SIRT6: variants seen among roughly 807,000 people sequenced by gnomAD.
The protein encoded by SIRT6 is NAD-dependent protein deacylase sirtuin-6.
Under a neutral mutation model 33.6 loss-of-function variants are expected in SIRT6, and 21 were observed. The observed-to-expected ratio is 0.62, with a 90% confidence interval of 0.44 to 0.90. The LOEUF is 0.90. SIRT6 is among the 40% of genes least tolerant of loss of function. The pLI, the probability that SIRT6 is intolerant of heterozygous loss-of-function variation, is 0.00. For synonymous variants in SIRT6, 221 were observed against 223.9 expected, an observed-to-expected ratio of 0.99 and a Z score of 0.12; for missense variants, 504 against 510.6, an observed-to-expected ratio of 0.99 and a Z score of 0.12.
chr19:4,175,070 C>T lies in SIRT6; in HGVS notation c.696G>A (p.Arg232=). Residue 232 remains arginine (R), a synonymous_variant, in exon 7 of 8, where the codon CGG becomes CGA. Coordinates refer to ENST00000337491, the MANE Select transcript of SIRT6 (RefSeq NM_016539.4). ...GGTTGACGATGACCAGGCGGCCTCC[C>T]CGGCGCTTGGTAGCCAGCGGCAGGT... ...SGNLPLATKR[R]GGRLVIVNLQ... is the part of the protein sequence containing the mutation. 1 of 1,591,122 alleles carries T rather than the reference C, an allele frequency of 6.3e-7. No individual in the cohort carries two copies. The highest frequency in any genetic ancestry group is 2.3e-5 in the East Asian group (1 of 43,726).
At position 4,179,154 on chromosome 19, in the gene SIRT6, G is replaced by A; in HGVS notation, c.327C>T (p.Phe109=). The A allele has an allele frequency of 1.2e-6, 2 of 1,612,572 alleles. No homozygotes were observed. The highest frequency in any genetic ancestry group is 1.7e-6 in the Non-Finnish European group (2 of 1,179,810). ...VQLERVGLLR[F]LVSQNVDGLH... ...GCCCGTCCACGTTCTGGCTGACCAG[G>A]AAGCGGAGGAGGCCCACGCGCTCCA... Residue 109 remains phenylalanine (F), a synonymous_variant, in exon 3 of 8, where the codon TTC becomes TTT. Transcript: ENST00000337491.
rs756423888 is a variant in SIRT6, at chr19:4,179,234, C to T, written c.247G>A (p.Asp83Asn). 9.3e-6 allele frequency: 15 copies of T among 1,610,058 alleles called. 1 individual carries two copies. Among genetic ancestry groups the T allele is most frequent in the Middle Eastern group, 3.3e-4 (2 of 6,046 alleles). ...GGCCGCGCGCTCTCAAAGGTGGTGT[C>T]GAACTTGGGGGCCAGACCTCGCTCC... ...MEERGLAPKF[D>N]TTFESARPTQ... The change falls in exon 3 of 8, where the codon GAC (aspartate) becomes AAC (asparagine). Residue 83 changes from aspartate to asparagine, a missense_variant. Asp to Asn is a conservative substitution (Grantham distance 23, BLOSUM62 1). Coordinates refer to ENST00000337491, the MANE Select transcript of SIRT6 (RefSeq NM_016539.4).
In SIRT6 at chr19:4,180,836, A is replaced by G. The variant is rs200869088; in HGVS notation, c.140T>C (p.Val47Ala). 1 of 1,613,720 alleles carries G rather than the reference A, an allele frequency of 6.2e-7. No homozygotes were observed. Among genetic ancestry groups the G allele is most frequent in the East Asian group, 2.2e-5 (1 of 44,856 alleles). Reference sequence around the variant, plus strand: ...GATGCCGGCACCCGTGTGGAACACCACACTGGAAGACTGCCAGACCAGCCT... The same window carrying G: ...GATGCCGGCACCCGTGTGGAACACCGCACTGGAAGACTGCCAGACCAGCCT... ...LARLVWQSSS[V>A]VFHTGAGIST... Residue 47 changes from valine to alanine, a missense_variant, in exon 2 of 8, where the codon GTG becomes GCG. Val to Ala is a moderately conservative substitution (Grantham distance 64). Transcript: ENST00000337491.
rs188775798 is a variant in SIRT6, at chr19:4,174,559, C to G, written c.*58G>C. 6 of 1,362,968 alleles carry G rather than the reference C, an allele frequency of 4.4e-6. No individual in the cohort carries two copies. The highest frequency in any genetic ancestry group is 1.9e-4 in the Middle Eastern group (1 of 5,268). The allele number at this position is 1,362,968 out of a possible 1,614,324, so 84.4% of individuals were successfully genotyped here. ...AGAAACAAGTAACAAAGTGAGACCA[C>G]GAGAGAAAAAGAATCCACAGTTTCT... On this transcript the variant is annotated 3_prime_UTR_variant, in exon 8 of 8. Coordinates refer to ENST00000337491, the MANE Select transcript of SIRT6 (RefSeq NM_016539.4). This position sits in a 1 kb window ranked among gnomAD's most constrained non-coding sequence, Gnocchi z 4.2.
In SIRT6 at chr19:4,174,817, G is replaced by GGGCCCCCCCCCCCCCCCCCCCC; in HGVS notation, c.867_868insGGGGGGGGGGGGGGGGGGGGCC (p.Pro290GlyfsTer145). The GGGCCCCCCCCCCCCCCCCCCCC allele has an allele frequency of 2.2e-6, 1 of 447,538 alleles. No individual in the cohort carries two copies. The highest frequency in any genetic ancestry group is 4.4e-6 in the Non-Finnish European group (1 of 229,038). The allele number at this position is 447,538 out of a possible 1,614,324, so 27.7% of individuals were successfully genotyped here. ...TCCAGCTTGGGGGTGGGCGGGCGGGGCAGGGGTGGCAGCGCCCTCTCCAGC... is the reference window on the plus strand; with the variant it reads ...TCCAGCTTGGGGGTGGGCGGGCGGGGGGCCCCCCCCCCCCCCCCCCCCCAGGGGTGGCAGCGCCCTCTCCAGC... On this transcript the variant is annotated frameshift_variant, in exon 8 of 8. Transcript: ENST00000337491. LOFTEE classifies it low-confidence loss of function (END_TRUNC). This position sits in a 1 kb window ranked among gnomAD's most constrained non-coding sequence, Gnocchi z 4.2.
At chr19:4,177,213 G>C (rs1967359797) in intron 3 of SIRT6, 75 bp from the exon 4 acceptor site, 1 of 1,455,272 alleles carries the variant, frequency 6.9e-7, no homozygotes, top group Non-Finnish European at 9.6e-7. Flanking sequence ...CTGGTGCTAA[G>C]CCCCTCTCCT....
At chr19:4,175,280 A>C in intron 6 of SIRT6, 129 bp from the exon 7 acceptor site, 2 of 1,316,864 alleles carry the variant, frequency 1.5e-6, no homozygotes, top group Non-Finnish European at 2.0e-6. Flanking sequence ...CCCACTCCCG[A>C]GTCAGCCTTT....
chr19:4,182,473 C>A lies in SIRT6; in HGVS notation c.66+1G>T. On this transcript the variant is annotated splice_donor_variant, in intron 1 of 7. Transcript: ENST00000337491. LOFTEE classifies it high-confidence loss of function. ...TGCTCGGGACCCTCAGACGCGCTCA[C>A]CTCCGGGAGGCCGCACTTGCCCTTG... The A allele has an allele frequency of 6.2e-7, 1 of 1,609,736 alleles. No individual in the cohort carries two copies. The highest frequency in any genetic ancestry group is 8.5e-7 in the Non-Finnish European group (1 of 1,178,524).
chr19:4,174,832 C>G lies in SIRT6; in HGVS notation c.853G>C (p.Ala285Pro). 1 of 1,579,494 alleles carries G rather than the reference C, an allele frequency of 6.3e-7. No individual in the cohort carries two copies. Residue 285 changes from alanine to proline, a missense_variant, in exon 8 of 8, where the codon GCG becomes CCG. By Grantham distance (27) the Ala-to-Pro change is conservative. Transcript: ENST00000337491. This position sits in a 1 kb window ranked among gnomAD's most constrained non-coding sequence, Gnocchi z 4.2. ...AWDGPRVLER[A>P]LPPLPRPPTP... ...GGCGGGCGGGGCAGGGGTGGCAGCG[C>G]CCTCTCCAGCACACGGGGGCCGTCC...
At chr19:4,181,596 G>A (rs1967671305) in intron 1 of SIRT6, among the ~76,000 whole-genome samples, 1 of 152,162 alleles carries the variant, frequency 6.6e-6, no homozygotes, top group South Asian at 2.1e-4. Context: ...AGAGCAGACT[G>A]GCCAACATGG....
At position 4,175,720 on chromosome 19, in the gene SIRT6, G is replaced by C. The variant is rs1967256370; in HGVS notation, c.574C>G (p.Leu192Val). 1.3e-6 allele frequency: 2 copies of C among 1,586,270 alleles called. No homozygotes were observed. The highest frequency in any genetic ancestry group is 2.3e-5 in the South Asian group (2 of 86,854). Residue 192 changes from leucine to valine, a missense_variant, in exon 6 of 8, where the codon CTG becomes GTG. By Grantham distance (32) the Leu-to-Val change is conservative. Coordinates refer to ENST00000337491, the MANE Select transcript of SIRT6 (RefSeq NM_016539.4). Reference protein sequence around the residue: ...RDTILDWEDSLPDRDLALADE... With the variant: ...RDTILDWEDSVPDRDLALADE... ...GCGAGTGCCAGGTCCCGGTCGGGCA[G>C]GGAGTCCTCCCAGTCTAGGATGGTG...
chr19:4,180,093 C>CTT lies in SIRT6; in HGVS notation c.194+687_194+688dup, dbSNP rs71166971. ...GAAGGAGGAGAAATTCACGCCTTGG[C>CTT]TTTTTTTTTTTTTTTTTTTTTTTTT... On this transcript the variant is annotated intron_variant, in intron 2 of 7. Transcript: ENST00000337491. 8.1e-4 allele frequency among the ~76,000 whole-genome samples: 37 copies of CTT among 45,926 alleles called. 8 individuals carry two copies. Among genetic ancestry groups the CTT allele is most frequent in the Admixed American group, 7.2e-3 (21 of 2,928 alleles). The allele number at this position is 45,926 out of a possible 152,430, so 30.1% of individuals were successfully genotyped here.
chr19:4,181,384 C>T (rs912759945), intron 1 of SIRT6, among the ~76,000 whole-genome samples: 6 of 152,258 alleles, frequency 3.9e-5, no homozygotes, highest in African/African-American at 1.2e-4. Flanking sequence ...CCTAGTCAGT[C>T]TCCCTTACTA....
chr19:4,175,872 AC>A lies in SIRT6; in HGVS notation c.502del (p.Val168TrpfsTer14). On this transcript the variant is annotated frameshift_variant, in exon 5 of 8. Transcript: ENST00000337491. LOFTEE classifies it high-confidence loss of function. ...GLKATGRLCT[V>X]AKARGLRACR... ...GGCTCGCAGCCCCCTTGCCTTAGCC[AC>A]GGTGCAGAGCCGGCCCGTGGCCTTC... 6.4e-7 allele frequency: 1 copy of A among 1,566,060 alleles called. No individual in the cohort carries two copies. Among genetic ancestry groups the A allele is most frequent in the Non-Finnish European group, 8.7e-7 (1 of 1,155,716 alleles).
In SIRT6 at chr19:4,175,065, C is replaced by T. The variant is rs1486605695; in HGVS notation, c.701G>A (p.Gly234Asp). The change falls in exon 7 of 8, where the codon GGC (glycine) becomes GAC (aspartate). Residue 234 changes from glycine to aspartate, a missense_variant. Transcript: ENST00000337491. ...CTGCAGGTTGACGATGACCAGGCGGCCTCCCCGGCGCTTGGTAGCCAGCGG... is the reference window on the plus strand; with the variant it reads ...CTGCAGGTTGACGATGACCAGGCGGTCTCCCCGGCGCTTGGTAGCCAGCGG... ...NLPLATKRRG[G>D]RLVIVNLQPT... is the part of the protein sequence containing the mutation. 6 of 1,589,222 alleles carry T rather than the reference C, an allele frequency of 3.8e-6. No individual in the cohort carries two copies. Among genetic ancestry groups the T allele is most frequent in the Non-Finnish European group, 5.1e-6 (6 of 1,167,438 alleles).
intron 3 of SIRT6, among the ~76,000 whole-genome samples, chr19:4,177,822 G>C (rs1967394290): frequency 6.6e-6 from 1 of 152,126 alleles, no homozygotes; most frequent in African/African-American, 2.4e-5. Flanking sequence ...GATCTCCTGA[G>C]CTTGTGATCC....
chr19:4,180,093 CTTTTTTTTTTTTTTTTT>C lies in SIRT6; in HGVS notation c.194+672_194+688del, dbSNP rs71166971. 1.2e-3 allele frequency among the ~76,000 whole-genome samples: 55 copies of C among 45,908 alleles called. 3 individuals carry two copies. The highest frequency in any genetic ancestry group is 6.8e-4 in the Admixed American group (2 of 2,928). 30.1% of individuals were successfully genotyped at this position (45,908 alleles called of 152,430 possible). The stretch of plus-strand genomic sequence containing the variant: ...GAAGGAGGAGAAATTCACGCCTTGG[CTTTTTTTTTTTTTTTTT>C]TTTTTTTTTTTTGAGATGGAGTCTG... On this transcript the variant is annotated intron_variant, in intron 2 of 7. Coordinates refer to ENST00000337491, the MANE Select transcript of SIRT6 (RefSeq NM_016539.4).
chr19:4,177,083 T>C lies in SIRT6; in HGVS notation c.433A>G (p.Lys145Glu), dbSNP rs772524213. The C allele has an allele frequency of 6.2e-7, 1 of 1,613,518 alleles. No individual in the cohort carries two copies. Among genetic ancestry groups the C allele is most frequent in the South Asian group, 1.1e-5 (1 of 91,022 alleles). Residue 145 changes from lysine (K) to glutamate (E), a missense_variant, in exon 4 of 8, where the codon AAG becomes GAG. Transcript: ENST00000337491. Reference sequence around the variant, plus strand: ...CTGCACCCAGGTGGCACTCACGTCTTACACTTGGCACATTCTTCCACAAAC... The same window carrying C: ...CTGCACCCAGGTGGCACTCACGTCTCACACTTGGCACATTCTTCCACAAAC... ...NMFVEECAKC[K>E]TQYVRDTVVG...
Position 4,174,530 on chromosome 19 carries a change from G to C in SIRT6, c.*87C>G. 1 of 1,249,846 alleles carries C rather than the reference G, an allele frequency of 8.0e-7. No individual in the cohort carries two copies. The highest frequency in any genetic ancestry group is 1.1e-6 in the Non-Finnish European group (1 of 945,824). The allele number at this position is 1,249,846 out of a possible 1,614,324, so 77.4% of individuals were successfully genotyped here. On this transcript the variant is annotated 3_prime_UTR_variant, in exon 8 of 8. Transcript: ENST00000337491. This position sits in a 1 kb window ranked among gnomAD's most constrained non-coding sequence, Gnocchi z 4.2. ...GCTCTCAGAGCCCTGAGGCTCCCGGGGACAGAAACAAGTAACAAAGTGAGA... is the reference window on the plus strand; with the variant it reads ...GCTCTCAGAGCCCTGAGGCTCCCGGCGACAGAAACAAGTAACAAAGTGAGA...
Sources: allele counts gnomAD v4.1 joint callset (sites outside exome capture counted in the v4.1 genomes callset), GRCh38; gene constraint gnomAD v4.1.1; non-coding constraint Gnocchi (gnomAD v3.1); transcripts MANE v1.5; gene names NCBI Gene and HGNC (gene_info 2026-07-23, HGNC 2026-07-21).